KCNQ5: variants seen among roughly 807,000 people sequenced by gnomAD.
The protein encoded by KCNQ5 is potassium voltage-gated channel subfamily KQT member 5.
A neutral mutation model predicts 98.2 loss-of-function variants in KCNQ5; 30 were observed. The observed-to-expected ratio is 0.31, with a 90% CI of 0.23 to 0.41. The LOEUF (loss-of-function observed/expected upper bound fraction) is 0.41. Ranked by LOEUF, KCNQ5 falls within the 10% of genes least tolerant of loss-of-function variation. The pLI is 1.00. For synonymous variants in KCNQ5, 458 were observed against 449.4 expected (o/e 1.02, Z -0.24); for missense variants, 835 against 1,182.5 (o/e 0.71, Z 4.31).
chr6:72,761,050 T>A (rs1772245220), intron 1 of KCNQ5, among the ~76,000 whole-genome samples: 1 of 152,158 alleles, frequency 6.6e-6, no homozygotes, highest in South Asian at 2.1e-4. Flanking sequence ...TTTGGATGTA[T>A]GTGTCAATTC....
intron 1 of KCNQ5, among the ~76,000 whole-genome samples, chr6:72,824,884 T>A (rs1775922427): frequency 6.6e-6 from 1 of 152,088 alleles, no homozygotes; most frequent in African/African-American, 2.4e-5. Flanking sequence ...CTAACACAAT[T>A]CTGTGATAAT....
chr6:72,644,043 C>T (rs1345265474), intron 1 of KCNQ5, among the ~76,000 whole-genome samples: 1 of 151,890 alleles, frequency 6.6e-6, no homozygotes, highest in African/African-American at 2.4e-5. Context: ...AGGTATAAAC[C>T]AGTATGTACA....
chr6:72,987,848 G>C lies in KCNQ5; in HGVS notation c.399-16060G>C. The C allele has an allele frequency of 1.7e-5, 6 of 363,224 alleles. No individual in the cohort carries two copies. In the South Asian group the frequency reaches 1.9e-4, roughly 12 times the overall value. The allele number at this position is 363,224 out of a possible 1,614,324, so 22.5% of individuals were successfully genotyped here. On this transcript the variant is annotated intron_variant, in intron 1 of 13. Coordinates refer to ENST00000370398, the MANE Select transcript of KCNQ5 (RefSeq NM_019842.4). The stretch of plus-strand genomic sequence containing the variant: ...TTTTTTTGGTGAAAAATCAGATCTT[G>C]GTGATGACCTTGAGCAGTAGGATAT...
At chr6:72,684,170 A>G (rs1582110266) in intron 1 of KCNQ5, among the ~76,000 whole-genome samples, 1 of 152,208 alleles carries the variant, frequency 6.6e-6, no homozygotes, top group East Asian at 1.9e-4. Flanking sequence ...CCAATTCCGA[A>G]TGAGTATGGG....
Position 73,133,624 on chromosome 6 carries a change from C to T in KCNQ5, c.1451C>T (p.Pro484Leu), listed in dbSNP as rs779773194. 1 of 1,614,164 alleles carries T rather than the reference C, an allele frequency of 6.2e-7. No individual in the cohort carries two copies. The highest frequency in any genetic ancestry group is 8.5e-7 in the Non-Finnish European group (1 of 1,180,012). Reference protein sequence around the residue: ...RPSLRLKSSQPKPVIDADTAL... With the variant: ...RPSLRLKSSQLKPVIDADTAL... The stretch of plus-strand genomic sequence containing the variant: ...TCGCTGCGCCTCAAAAGTTCTCAGC[C>T]AAAACCAGTGATAGATGGTAAGCCC... Residue 484 changes from proline (P) to leucine (L), a missense_variant, in exon 10 of 14, where the codon CCA becomes CTA. Physicochemically the swap from Pro to Leu is moderately conservative, Grantham distance 98. Around this residue, in one of 10 missense-constraint regions of KCNQ5, gnomAD observed 146 missense variants for 256.7 expected, o/e 0.57. Coordinates refer to ENST00000370398, the MANE Select transcript of KCNQ5 (RefSeq NM_019842.4).
intron 1 of KCNQ5, among the ~76,000 whole-genome samples, chr6:72,910,626 C>T (rs1476497229): frequency 6.8e-6 from 1 of 147,684 alleles, no homozygotes; most frequent in African/African-American, 2.5e-5. Context: ...TTATTGACTT[C>T]TGTGTACTAT....
At chr6:72,869,800 C>A (rs952567682) in intron 1 of KCNQ5, among the ~76,000 whole-genome samples, 1 of 152,192 alleles carries the variant, frequency 6.6e-6, no homozygotes, top group African/African-American at 2.4e-5. Flanking sequence ...GGGAGCGAGG[C>A]CCAGTGTCGG....
At chr6:72,975,074 AAT>A (rs772899173) in intron 1 of KCNQ5, among the ~76,000 whole-genome samples, 5 of 152,138 alleles carry the variant, frequency 3.3e-5, no homozygotes, top group Non-Finnish European at 5.9e-5. Context: ...AGCGCCATTT[AAT>A]ATGTTTTAGT....
intron 3 of KCNQ5, among the ~76,000 whole-genome samples, chr6:73,046,511 AC>A (rs1294522687): frequency 2.6e-5 from 4 of 151,996 alleles, no homozygotes; most frequent in African/African-American, 9.7e-5. Context: ...TATATTAGGT[AC>A]TACTTTAAGC....
rs545534267 is a variant in KCNQ5 at position 72,914,831 on chromosome 6, G to A, written c.399-89077G>A. ...ATTCGGGTCTCAAGCCAGGGGGCTC[G>A]GGCAGTAATGTATTATACCTGGGGT... On this transcript the variant is annotated intron_variant, in intron 1 of 13. Coordinates refer to ENST00000370398, the MANE Select transcript of KCNQ5 (RefSeq NM_019842.4). Among the ~76,000 whole-genome samples the A allele has an allele frequency of 1.4e-3, 212 of 151,770 alleles. 2 individuals carry two copies. The highest frequency in any genetic ancestry group is 2.1e-3 in the Non-Finnish European group (146 of 67,958).
chr6:73,068,899 T>C (rs1423932900), intron 3 of KCNQ5, among the ~76,000 whole-genome samples: 1 of 152,236 alleles, frequency 6.6e-6, no homozygotes, highest in Non-Finnish European at 1.5e-5. Flanking sequence ...AATAAGTTAT[T>C]CACATTGTTA....
chr6:72,906,091 G>A (rs1325203175), intron 1 of KCNQ5, among the ~76,000 whole-genome samples: 1 of 152,106 alleles, frequency 6.6e-6, no homozygotes, highest in Non-Finnish European at 1.5e-5. Context: ...TGGGGGATGG[G>A]GGTGAGGTTT....
chr6:72,852,661 A>ATATATATATATATATATATATATATATAT (rs60436919), intron 1 of KCNQ5, among the ~76,000 whole-genome samples: 12 of 125,392 alleles, frequency 9.6e-5, no homozygotes, highest in African/African-American at 2.2e-4. Context: ...ATATATATAT[A>ATATATATATATATATATATATATATATAT]AATGGCACTT....
chr6:73,008,418 A>C (rs1300837073), intron 2 of KCNQ5, among the ~76,000 whole-genome samples: 1 of 152,168 alleles, frequency 6.6e-6, no homozygotes, highest in African/African-American at 2.4e-5. Context: ...AAGGGTGGAA[A>C]AGATATTTTA....
intron 1 of KCNQ5, among the ~76,000 whole-genome samples, chr6:72,795,140 CT>C (rs1163236540): frequency 6.6e-6 from 1 of 152,176 alleles, no homozygotes; most frequent in African/African-American, 2.4e-5. Flanking sequence ...CAAAACAAAA[CT>C]TTCTTTTTCC....
intron 2 of KCNQ5, among the ~76,000 whole-genome samples, chr6:73,016,368 G>C (rs1263854208): frequency 1.3e-5 from 2 of 152,088 alleles, no homozygotes; most frequent in Non-Finnish European, 2.9e-5. Flanking sequence ...AGGGTTGGGA[G>C]AAGTGGAGAA....
intron 9 of KCNQ5, chr6:73,125,314 T>C: frequency 2.2e-6 from 1 of 455,606 alleles, no homozygotes; most frequent in Non-Finnish European, 4.4e-6. Context: ...TGATCTGTGT[T>C]AATGAGTACC....
intron 2 of KCNQ5, among the ~76,000 whole-genome samples, chr6:73,009,108 C>T (rs1769944381): frequency 6.6e-6 from 1 of 152,068 alleles, no homozygotes. Flanking sequence ...TCCTGCCTCT[C>T]AGCCTCCTGA....
At chr6:72,826,654 T>C (rs1776012003) in intron 1 of KCNQ5, among the ~76,000 whole-genome samples, 2 of 152,162 alleles carry the variant, frequency 1.3e-5, no homozygotes, top group African/African-American at 4.8e-5. Flanking sequence ...ATCCATATAA[T>C]GTATAATGAT....
Sources: allele counts gnomAD v4.1 joint callset (sites outside exome capture counted in the v4.1 genomes callset), GRCh38; gene constraint gnomAD v4.1.1; regional missense constraint gnomAD v4.1.1; transcripts MANE v1.5; gene names NCBI Gene and HGNC (gene_info 2026-07-23, HGNC 2026-07-21).